The following DCAF8L2 variants were observed in gnomAD, a reference collection of about 807,000 sequenced individuals.
DCAF8L2 encodes the protein DDB1 and CUL4 associated factor 8 like 2.
For missense variants in DCAF8L2, 430 were observed against 490.7 expected (o/e 0.88, Z 1.17); for synonymous variants, 200 against 190.9 (o/e 1.05, Z -0.39).
At chrX:27,604,119 G>C (rs1452425133) in intron 1 of DCAF8L2, among the ~76,000 whole-genome samples, 1 of 110,981 alleles carries the variant, frequency 9.0e-6, no homozygotes, top group Non-Finnish European at 1.9e-5. Context: ...ACAGCCTTTT[G>C]CATTCACATA....
chrX:27,491,414 T>C, the DCAF8L2 span, among the ~76,000 whole-genome samples: 3 of 112,431 alleles, frequency 2.7e-5, no homozygotes, highest in Middle Eastern at 4.2e-3. Context: ...ATTTCAGCAG[T>C]CTCAATTCTG....
chrX:27,615,509 ATAG>A (rs1364582768), intron 1 of DCAF8L2, among the ~76,000 whole-genome samples: 6 of 100,271 alleles, frequency 6.0e-5, no homozygotes, highest in Admixed American at 2.2e-4. Flanking sequence ...ACAAAAAATA[ATAG>A]TAGATTCTAT....
chrX:27,599,176 T>C lies in DCAF8L2; in HGVS notation c.-342+8736T>C, dbSNP rs773356339. Reference sequence around the variant, plus strand: ...TGTGGTATATATACAGAATAAAATATTATTCGTCCTTTAAAAAGAAGGAAA... The same window carrying C: ...TGTGGTATATATACAGAATAAAATACTATTCGTCCTTTAAAAAGAAGGAAA... On this transcript the variant is annotated intron_variant, in intron 1 of 4. Transcript: ENST00000451261. Among the ~76,000 whole-genome samples the C allele has an allele frequency of 7.8e-4, 86 of 110,894 alleles. 1 individual carries two copies. Among genetic ancestry groups the C allele is most frequent in the African/African-American group, 2.7e-3 (83 of 30,557 alleles).
Position 27,748,487 on chromosome X carries a change from G to A in DCAF8L2, c.1592G>A (p.Ser531Asn), listed in dbSNP as rs764872814. The change falls in exon 5 of 5, where the codon AGT (serine) becomes AAT (asparagine). Residue 531 changes from serine to asparagine, a missense_variant. Physicochemically the swap from Ser to Asn is conservative, Grantham distance 46. Coordinates refer to ENST00000451261, the MANE Select transcript of DCAF8L2 (RefSeq NM_001353450.2). ...CCTTACCTACCTGTGTTGGCGTGCAGTGGCCTAGATCATGATGTCAAGATC... is the reference window on the plus strand; with the variant it reads ...CCTTACCTACCTGTGTTGGCGTGCAATGGCCTAGATCATGATGTCAAGATC... ...PHPYLPVLAC[S>N]GLDHDVKIWT... 2 of 1,208,919 alleles carry A rather than the reference G, an allele frequency of 1.7e-6. No individual in the cohort carries two copies. The highest frequency in any genetic ancestry group is 5.9e-5 in the East Asian group (2 of 33,725).
At chrX:27,598,856 GA>G (rs1251644251) in intron 1 of DCAF8L2, among the ~76,000 whole-genome samples, 8 of 108,962 alleles carry the variant, frequency 7.3e-5, no homozygotes, top group Non-Finnish European at 5.7e-5. Flanking sequence ...TCAGAAAAAT[GA>G]AAGATAAGTG....
chrX:27,587,985 A>AAAAATATATATATATATATGTAT, upstream of DCAF8L2, among the ~76,000 whole-genome samples: 2 of 22,371 alleles, frequency 8.9e-5, no homozygotes, highest in African/African-American at 2.0e-4. Context: ...TAAAAAAAAA[A>AAAAATATATATATATATATGTAT]ATATATATAT....
At chrX:27,550,596 A>G in the DCAF8L2 span, among the ~76,000 whole-genome samples, 1 of 111,200 alleles carries the variant, frequency 9.0e-6, no homozygotes, top group East Asian at 2.8e-4. Context: ...AACTATAGTT[A>G]CCCTACCATG....
intron 2 of DCAF8L2, among the ~76,000 whole-genome samples, chrX:27,668,435 A>G (rs902821760): frequency 8.9e-6 from 1 of 111,783 alleles, no homozygotes; most frequent in African/African-American, 3.2e-5. Flanking sequence ...AAAATGCCAG[A>G]AAGAAGCATG....
intron 1 of DCAF8L2, among the ~76,000 whole-genome samples, chrX:27,619,700 A>C (rs897886424): frequency 2.7e-5 from 3 of 111,840 alleles, no homozygotes; most frequent in African/African-American, 9.7e-5. Context: ...CCACCTTCCA[A>C]TAAAAATGTT....
the DCAF8L2 span, among the ~76,000 whole-genome samples, chrX:27,500,099 T>A: frequency 1.0e-3 from 117 of 111,915 alleles, 1 homozygote; most frequent in African/African-American, 3.7e-3. Flanking sequence ...TTTTGCAAGA[T>A]GTTAACATTG....
At chrX:27,638,536 C>T (rs1316740720) in intron 2 of DCAF8L2, among the ~76,000 whole-genome samples, 2 of 111,551 alleles carry the variant, frequency 1.8e-5, no homozygotes, top group Non-Finnish European at 3.8e-5. Flanking sequence ...TATGAGAATC[C>T]ATGCCCCATG....
chrX:27,740,890 A>G (rs1191912637), intron 4 of DCAF8L2, among the ~76,000 whole-genome samples: 1 of 111,727 alleles, frequency 9.0e-6, no homozygotes, highest in Non-Finnish European at 1.9e-5. Context: ...TCTATATATT[A>G]ATTTGTCTGT....
chrX:27,630,976 A>G (rs1195528681), intron 1 of DCAF8L2, among the ~76,000 whole-genome samples: 1 of 110,265 alleles, frequency 9.1e-6, no homozygotes, highest in Non-Finnish European at 1.9e-5. Flanking sequence ...CCCAAACACC[A>G]CTCTTTCAAA....
the DCAF8L2 span, among the ~76,000 whole-genome samples, chrX:27,485,478 T>A: frequency 9.0e-6 from 1 of 111,446 alleles, no homozygotes; most frequent in African/African-American, 3.3e-5. Flanking sequence ...TATCCTTCTG[T>A]ATTACATATA....
At chrX:27,662,948 C>T (rs1929607629) in intron 2 of DCAF8L2, among the ~76,000 whole-genome samples, 1 of 111,551 alleles carries the variant, frequency 9.0e-6, no homozygotes, top group South Asian at 3.7e-4. Context: ...TTTTACTTGA[C>T]CTTCATCTCC....
At chrX:27,600,331 T>C (rs184625880) in intron 1 of DCAF8L2, among the ~76,000 whole-genome samples, 50 of 112,370 alleles carry the variant, frequency 4.4e-4, no homozygotes, top group African/African-American at 1.5e-3. Context: ...AAATGATCTG[T>C]ATATCCTTCT....
chrX:27,683,652 C>T (rs1375023118), intron 3 of DCAF8L2, among the ~76,000 whole-genome samples: 1 of 112,159 alleles, frequency 8.9e-6, no homozygotes, highest in African/African-American at 3.2e-5. Context: ...GGCTTTTGCC[C>T]ACAGGTGAAG....
chrX:27,746,122 C>G (rs908487879), intron 4 of DCAF8L2, among the ~76,000 whole-genome samples: 8 of 111,844 alleles, frequency 7.2e-5, no homozygotes, highest in African/African-American at 2.0e-4. Context: ...ATTCTTCTCA[C>G]TAAAGGAGCC....
chrX:27,705,611 T>C (rs1395084041), intron 3 of DCAF8L2, among the ~76,000 whole-genome samples: 1 of 111,889 alleles, frequency 8.9e-6, no homozygotes, highest in African/African-American at 3.3e-5. Context: ...AGTGTGTTTA[T>C]GTCCTTTGCC....
Sources: allele counts gnomAD v4.1 joint callset (sites outside exome capture counted in the v4.1 genomes callset), GRCh38; gene constraint gnomAD v4.1.1; transcripts MANE v1.5; gene names NCBI Gene and HGNC (gene_info 2026-07-23, HGNC 2026-07-21).